Variants in ZNF248 observed in about 807,000 individuals in gnomAD.
ZNF248 encodes KRAB protein domain.
Under a neutral mutation model 44.3 loss-of-function variants are expected in ZNF248, and 20 were observed. The observed-to-expected ratio is 0.45, with a 90% CI of 0.32 to 0.66. The LOEUF (loss-of-function observed/expected upper bound fraction) is 0.66. Among genes scored for constraint, ZNF248 ranks in the 30% least tolerant of loss-of-function variants. The pLI, the probability that ZNF248 is intolerant of heterozygous loss-of-function variation, is 0.04. For synonymous variants in ZNF248, 224 were observed against 229.0 expected, an observed-to-expected ratio of 0.98 and a Z score of 0.20; for missense variants, 654 against 677.0, an observed-to-expected ratio of 0.97 and a Z score of 0.38.
intron 6 of ZNF248, among the ~76,000 whole-genome samples, chr10:37,806,491 A>G (rs573327117): frequency 1.3e-5 from 2 of 151,962 alleles, no homozygotes; most frequent in Non-Finnish European, 2.9e-5. Flanking sequence ...CTTAATAACT[A>G]GTGATGTTGA....
At chr10:37,847,279 T>C (rs2134513726) in intron 3 of ZNF248, among the ~76,000 whole-genome samples, 1 of 152,302 alleles carries the variant, frequency 6.6e-6, no homozygotes, top group Admixed American at 6.5e-5. Context: ...AGTGGCTCAA[T>C]CTCAGCCACA....
At chr10:37,854,372 G>C (rs937598201) in intron 3 of ZNF248, among the ~76,000 whole-genome samples, 1 of 152,066 alleles carries the variant, frequency 6.6e-6, no homozygotes, top group South Asian at 2.1e-4. Context: ...AGACACTGGG[G>C]GGGAAAAAAG....
chr10:37,785,588 C>A (rs2047794238), intron 6 of ZNF248, among the ~76,000 whole-genome samples: 1 of 152,192 alleles, frequency 6.6e-6, no homozygotes, highest in Non-Finnish European at 1.5e-5. Flanking sequence ...CTTTCTCTCT[C>A]AGCCAAGAAT....
Position 37,848,508 on chromosome 10 carries a change from G to A in ZNF248, c.15+7788C>T, listed in dbSNP as rs143841830. Among the ~76,000 whole-genome samples the A allele has an allele frequency of 5.1e-3, 771 of 151,774 alleles. 5 individuals are homozygous for A. The highest frequency in any genetic ancestry group is 0.018 in the African/African-American group (739 of 41,342). ...TGAGGCAGGAGAATCGCTTGAACCC[G>A]GGAAGCAGAGGTTGCAGTGAGCCAA... On this transcript the variant is annotated intron_variant, in intron 3 of 5. Transcript: ENST00000395867.
intron 6 of ZNF248, among the ~76,000 whole-genome samples, chr10:37,812,010 C>T (rs1217891187): frequency 6.6e-6 from 1 of 151,940 alleles, no homozygotes; most frequent in Non-Finnish European, 1.5e-5. Flanking sequence ...TCAAGGCAGG[C>T]AGATTGCTTG....
At chr10:37,775,059 C>G (rs2046472625), downstream of ZNF248, among the ~76,000 whole-genome samples, 2 of 152,142 alleles carry the variant, frequency 1.3e-5, no homozygotes, top group South Asian at 4.1e-4. Context: ...CATGAGCCAC[C>G]ACACCTGGCC....
chr10:37,768,249 T>A, the ZNF248 span, among the ~76,000 whole-genome samples: 1 of 152,126 alleles, frequency 6.6e-6, no homozygotes, highest in Non-Finnish European at 1.5e-5. Context: ...TACCCAGGAA[T>A]TGAACTCAGC....
chr10:37,770,555 A>T, the ZNF248 span, among the ~76,000 whole-genome samples: 4 of 152,204 alleles, frequency 2.6e-5, no homozygotes, highest in African/African-American at 9.7e-5. Flanking sequence ...GTGCTGGGAA[A>T]ACTGGCTAGC....
Position 37,790,329 on chromosome 10 carries a change from C to T in ZNF248, c.331-13754G>A, listed in dbSNP as rs528768389. Among the ~76,000 whole-genome samples the T allele has an allele frequency of 2.0e-3, 302 of 150,938 alleles. 2 individuals are homozygous for T. The highest frequency in any genetic ancestry group is 6.9e-3 in the African/African-American group (282 of 41,166). ...GGAATGGTGGCTCATGCCTGTAATC[C>T]AGCATTTTGGGAGGCTGAGGCTGGA... On this transcript the variant is annotated intron_variant, in intron 6 of 6. Transcript: ENST00000615949.
intron 5 of ZNF248, 51 bp from the exon 6 acceptor site, chr10:37,833,167 T>C (rs1237653661): frequency 1.3e-6 from 2 of 1,520,452 alleles, no homozygotes; most frequent in East Asian, 2.3e-5. Context: ...ACATTTCTGA[T>C]GGAATCAGAC....
chr10:37,766,217 C>T, the ZNF248 span, among the ~76,000 whole-genome samples: 1 of 152,246 alleles, frequency 6.6e-6, no homozygotes, highest in South Asian at 2.1e-4. Flanking sequence ...GCAGTAACCT[C>T]TGCAGACTTA....
At chr10:37,772,154 A>C (rs1291897300), downstream of ZNF248, among the ~76,000 whole-genome samples, 1 of 151,946 alleles carries the variant, frequency 6.6e-6, no homozygotes, top group Non-Finnish European at 1.5e-5. Flanking sequence ...AATCTCAGCT[A>C]CTCAGGAGAC....
Position 37,832,362 on chromosome 10 carries a change from G to C in ZNF248, c.993C>G (p.Asp331Glu). 6.2e-7 allele frequency: 1 copy of C among 1,613,998 alleles called. No homozygotes were observed. The highest frequency in any genetic ancestry group is 8.5e-7 in the Non-Finnish European group (1 of 1,179,948). Residue 331 changes from aspartate to glutamate, a missense_variant, in exon 6 of 6, where the codon GAC becomes GAG. Asp to Glu is a conservative substitution (Grantham distance 45). Coordinates refer to ENST00000395867, the MANE Select transcript of ZNF248 (RefSeq NM_021045.3). Reference protein sequence around the residue: ...RKILREYKVSDKTWEKSALLK... With the variant: ...RKILREYKVSEKTWEKSALLK... ...AGAGAGCTGACTTTTCCCAGGTTTT[G>C]TCACTCACTTTATATTCACGGAGAA...
chr10:37,766,545 C>T, the ZNF248 span, among the ~76,000 whole-genome samples: 1 of 152,230 alleles, frequency 6.6e-6, no homozygotes, highest in Non-Finnish European at 1.5e-5. Flanking sequence ...CAAACTCCAA[C>T]AGACCTGCAC....
Position 37,831,207 on chromosome 10 carries a change from C to A in ZNF248, c.*408G>T. 2 of 1,542,802 alleles carry A rather than the reference C, an allele frequency of 1.3e-6. No homozygotes were observed. The highest frequency in any genetic ancestry group is 2.0e-5 in the Admixed American group (1 of 49,980). ...TTCCAATATACAAATCAAGCATACTCAAATTTATATATTTGCATACTCACA... is the reference window on the plus strand; with the variant it reads ...TTCCAATATACAAATCAAGCATACTAAAATTTATATATTTGCATACTCACA... On this transcript the variant is annotated 3_prime_UTR_variant, in exon 6 of 6. Coordinates refer to ENST00000395867, the MANE Select transcript of ZNF248 (RefSeq NM_021045.3).
intron 6 of ZNF248, among the ~76,000 whole-genome samples, chr10:37,801,171 T>C (rs143200431): frequency 0.015 from 2,305 of 151,890 alleles, 29 homozygotes; most frequent in South Asian, 0.033. Flanking sequence ...GGTCAGGAGA[T>C]CGAGACCATC....
At chr10:37,837,796 G>C in intron 4 of ZNF248, 84 bp from the exon 5 acceptor site, 1 of 1,386,460 alleles carries the variant, frequency 7.2e-7, no homozygotes, top group South Asian at 1.3e-5. Context: ...GAAAGGCACA[G>C]CTTCACCAGC....
intron 6 of ZNF248, chr10:37,795,242 C>T (rs2049015141): frequency 6.6e-6 from 1 of 152,170 alleles, no homozygotes; most frequent in South Asian, 2.1e-4. Flanking sequence ...GAGATGTCTA[C>T]TTTGATTGAC....
At chr10:37,770,629 G>C in the ZNF248 span, among the ~76,000 whole-genome samples, 2 of 152,128 alleles carry the variant, frequency 1.3e-5, no homozygotes, top group African/African-American at 2.4e-5. Context: ...ATTCAAGATG[G>C]ATTAAAGACT....
Sources: allele counts gnomAD v4.1 joint callset (sites outside exome capture counted in the v4.1 genomes callset), GRCh38; gene constraint gnomAD v4.1.1; transcripts MANE v1.5; gene names NCBI Gene and HGNC (gene_info 2026-07-23, HGNC 2026-07-21).